Variants in LRP1B observed in about 807,000 individuals in gnomAD.
LRP1B encodes the protein low-density lipoprotein receptor-related protein 1B.
Under a neutral mutation model 556.6 loss-of-function variants are expected in LRP1B, and 217 were observed. The ratio of observed to expected loss-of-function variants is 0.39; its 90% CI spans 0.35 to 0.44. The LOEUF is 0.44. Among genes scored for constraint, LRP1B ranks in the 20% least tolerant of loss-of-function variants. The probability of loss-of-function intolerance (pLI) is 1.00; values close to 1 mark genes in which losing one functional copy is unlikely to be tolerated. For missense variants in LRP1B, 5,053 were observed against 5,620.8 expected (o/e 0.90, Z 3.23); for synonymous variants, 2,047 against 1,865.8 (o/e 1.10, Z -2.50).
intron 47 of LRP1B, among the ~76,000 whole-genome samples, chr2:140,528,488 T>C (rs1205779762): frequency 6.6e-6 from 1 of 150,764 alleles, no homozygotes; most frequent in African/African-American, 2.5e-5. Flanking sequence ...TTGCAGGATG[T>C]ATTTTTTTTT....
chr2:141,034,181 G>C (rs1355451678), intron 11 of LRP1B, among the ~76,000 whole-genome samples: 1 of 152,034 alleles, frequency 6.6e-6, no homozygotes, highest in African/African-American at 2.4e-5. Flanking sequence ...TATGGTTTCT[G>C]GTGATCTTGT....
chr2:141,805,068 T>C (rs1167900524), intron 2 of LRP1B, among the ~76,000 whole-genome samples: 1 of 152,134 alleles, frequency 6.6e-6, no homozygotes, highest in Non-Finnish European at 1.5e-5. Flanking sequence ...AAAGGTCTTG[T>C]TGACAATACT....
At chr2:140,827,955 T>C (rs1248210287) in intron 31 of LRP1B, among the ~76,000 whole-genome samples, 1 of 136,556 alleles carries the variant, frequency 7.3e-6, no homozygotes, top group Non-Finnish European at 1.6e-5. Context: ...CTGGAGAGAG[T>C]GGGGTGACAT....
At chr2:141,469,164 T>G (rs756830731) in intron 3 of LRP1B, among the ~76,000 whole-genome samples, 2 of 152,210 alleles carry the variant, frequency 1.3e-5, no homozygotes, top group Non-Finnish European at 2.9e-5. Flanking sequence ...TGCATCTAAA[T>G]TCAAATATGC....
At chr2:141,157,565 C>A (rs1359204971) in intron 7 of LRP1B, among the ~76,000 whole-genome samples, 1 of 151,934 alleles carries the variant, frequency 6.6e-6, no homozygotes. Flanking sequence ...ATTTAAATGA[C>A]ATAAACATGT....
chr2:140,436,066 A>G (rs919543398), intron 66 of LRP1B, among the ~76,000 whole-genome samples: 6 of 152,232 alleles, frequency 3.9e-5, no homozygotes, highest in Middle Eastern at 3.4e-3. Flanking sequence ...AAAGAGGAAA[A>G]GATTAAATTT....
At position 141,454,056 on chromosome 2, in the gene LRP1B, C is replaced by T. The variant is rs148175501; in HGVS notation, c.343+26340G>A. ...TTGCATTTCCCCATAACATCTTATG[C>T]CAACCTTGCCCCCAAATATGTATTT... On this transcript the variant is annotated intron_variant, in intron 3 of 90. Coordinates refer to ENST00000389484, the MANE Select transcript of LRP1B (RefSeq NM_018557.3). Among the ~76,000 whole-genome samples, 29 of 152,236 alleles carry T rather than the reference C, an allele frequency of 1.9e-4. 3 individuals carry two copies. In the Middle Eastern group the frequency reaches 0.044, roughly 232 times the overall value.
In LRP1B at chr2:140,598,854, G is replaced by A. The variant is rs775088240; in HGVS notation, c.6990-19C>T. 2.0e-6 allele frequency: 3 copies of A among 1,500,434 alleles called. No homozygotes were observed. The Admixed American group carries it at 5.1e-5, about 25-fold the overall frequency. 92.9% of individuals were successfully genotyped at this position (1,500,434 alleles called of 1,614,324 possible). ...CATTAAACTAATTAAAATGAAAATT[G>A]TAACTATAAATTAAACTTCTCATCA... is the stretch of plus-strand genomic sequence containing the variant. On this transcript the variant is annotated intron_variant, in intron 42 of 90. Transcript: ENST00000389484.
intron 3 of LRP1B, among the ~76,000 whole-genome samples, chr2:141,277,927 AAATACAAT>A (rs967095662): frequency 3.3e-5 from 5 of 152,160 alleles, no homozygotes; most frequent in African/African-American, 1.2e-4. Context: ...TCCCAAAATA[AAATACAAT>A]AACCTTATGG....
intron 3 of LRP1B, among the ~76,000 whole-genome samples, chr2:141,429,303 C>T (rs566443671): frequency 1.0e-4 from 15 of 144,728 alleles, no homozygotes; most frequent in African/African-American, 4.3e-4. Flanking sequence ...TTAATATACA[C>T]ATAGTATTTT....
intron 18 of LRP1B, among the ~76,000 whole-genome samples, chr2:140,956,155 T>C (rs1381124536): frequency 6.6e-6 from 1 of 151,710 alleles, no homozygotes; most frequent in East Asian, 1.9e-4. Flanking sequence ...AGGCTAGCTG[T>C]AGATATATTA....
chr2:140,670,649 G>GTT (rs1685447040), intron 41 of LRP1B, among the ~76,000 whole-genome samples: 1 of 150,216 alleles, frequency 6.7e-6, no homozygotes, highest in African/African-American at 2.4e-5. Context: ...AGGAACCAAT[G>GTT]TTATAGTTAA....
At chr2:140,337,331 TATCTC>T (rs1484902364) in intron 77 of LRP1B, among the ~76,000 whole-genome samples, 1 of 151,974 alleles carries the variant, frequency 6.6e-6, no homozygotes, top group Non-Finnish European at 1.5e-5. Flanking sequence ...TAACCAGTGA[TATCTC>T]AGTTACCTGA....
chr2:141,021,301 T>C (rs1056060120), intron 11 of LRP1B, among the ~76,000 whole-genome samples: 1 of 152,028 alleles, frequency 6.6e-6, no homozygotes, highest in Non-Finnish European at 1.5e-5. Flanking sequence ...TTGTAACCCT[T>C]GTTGCTAATC....
chr2:141,156,172 T>C (rs1702060775), intron 7 of LRP1B, among the ~76,000 whole-genome samples: 1 of 152,122 alleles, frequency 6.6e-6, no homozygotes, highest in African/African-American at 2.4e-5. Flanking sequence ...ACATATTCTC[T>C]CTCTCTACCT....
At chr2:141,939,856 T>C (rs574799496) in intron 1 of LRP1B, among the ~76,000 whole-genome samples, 3 of 152,248 alleles carry the variant, frequency 2.0e-5, no homozygotes, top group Admixed American at 1.3e-4. Context: ...TTGTTAAACA[T>C]TTAATAGCAC....
At position 141,088,830 on chromosome 2, in the gene LRP1B, G is replaced by A. The variant is rs561598750; in HGVS notation, c.1014-26557C>T. On this transcript the variant is annotated intron_variant, in intron 7 of 90. Transcript: ENST00000389484. ...TTTAAATCGATGTCAAAATGGCTCA[G>A]GATATTATGTTTTGCCTTTGCAACT... Among the ~76,000 whole-genome samples the A allele has an allele frequency of 6.6e-5, 10 of 152,208 alleles. No individual in the cohort carries two copies. The East Asian group carries it at 7.7e-4, about 12-fold the overall frequency.
intron 3 of LRP1B, among the ~76,000 whole-genome samples, chr2:141,282,145 A>G (rs1371057650): frequency 6.6e-6 from 1 of 152,114 alleles, no homozygotes; most frequent in Admixed American, 6.6e-5. Flanking sequence ...TTCAAAGGTA[A>G]TAGAGTTACC....
chr2:140,303,369 T>C (rs1407407808), intron 83 of LRP1B, among the ~76,000 whole-genome samples: 1 of 151,972 alleles, frequency 6.6e-6, no homozygotes, highest in South Asian at 2.1e-4. Flanking sequence ...TGCCTCAGCC[T>C]CCTGAGTAGC....
Sources: gnomAD v4.1 joint callset for allele counts (sites outside exome capture counted in the v4.1 genomes callset) on GRCh38, gnomAD v4.1.1 for gene constraint, MANE v1.5 for transcripts, NCBI Gene and HGNC (gene_info 2026-07-23, HGNC 2026-07-21) for gene names.